The following GLMN variants were observed in gnomAD, a reference collection of about 807,000 sequenced individuals.
GLMN encodes the protein glomulin, FKBP associated protein, also known as glomulin.
Under a neutral mutation model 87.8 loss-of-function variants are expected in GLMN, and 75 were observed. The observed-to-expected ratio is 0.85, with a 90% confidence interval of 0.71 to 1.04. GLMN has a LOEUF of 1.04. Among genes scored for constraint, GLMN ranks in the 50% least tolerant of loss-of-function variants. The probability of loss-of-function intolerance (pLI) is 0.00; values close to 1 mark genes in which losing one functional copy is unlikely to be tolerated. For missense variants in GLMN, 588 were observed against 658.8 expected, an observed-to-expected ratio of 0.89 and a Z score of 1.18; for synonymous variants, 206 against 221.6, an observed-to-expected ratio of 0.93 and a Z score of 0.63.
the GLMN span, among the ~76,000 whole-genome samples, chr1:92,328,110 G>A: frequency 7.2e-5 from 11 of 152,024 alleles, no homozygotes; most frequent in African/African-American, 2.7e-4. Context: ...CTTGACTTTC[G>A]ATAACCTGAT....
At chr1:92,351,338 A>G in the GLMN span, among the ~76,000 whole-genome samples, 1 of 151,324 alleles carries the variant, frequency 6.6e-6, no homozygotes, top group Admixed American at 6.6e-5. Flanking sequence ...AGAAAGGACC[A>G]TAATGAATTG....
At chr1:92,264,075 G>C (rs1347910105) in intron 14 of GLMN, among the ~76,000 whole-genome samples, 4 of 152,164 alleles carry the variant, frequency 2.6e-5, no homozygotes, top group Non-Finnish European at 5.9e-5. Context: ...CAGCATTTTG[G>C]GAGGCCAAGG....
intron 8 of GLMN, among the ~76,000 whole-genome samples, chr1:92,270,178 G>A (rs1283084635): frequency 6.6e-6 from 1 of 152,210 alleles, no homozygotes; most frequent in Non-Finnish European, 1.5e-5. Flanking sequence ...CCCTCAGAAG[G>A]AGCATCCAGA....
At chr1:92,328,979 G>C in the GLMN span, among the ~76,000 whole-genome samples, 2 of 152,228 alleles carry the variant, frequency 1.3e-5, no homozygotes, top group Non-Finnish European at 2.9e-5. Flanking sequence ...TGTCTGCAAA[G>C]GGTCCTGTGA....
chr1:92,285,610 T>A (rs1055796758), intron 7 of GLMN, among the ~76,000 whole-genome samples: 12 of 152,194 alleles, frequency 7.9e-5, no homozygotes, highest in Middle Eastern at 3.2e-3. Flanking sequence ...ACTTAAAGTA[T>A]AATTGAAAAA....
At chr1:92,285,695 C>T (rs1648668772) in intron 7 of GLMN, among the ~76,000 whole-genome samples, 1 of 152,204 alleles carries the variant, frequency 6.6e-6, no homozygotes, top group Non-Finnish European at 1.5e-5. Context: ...CTTAAAACCC[C>T]ACCCTAATTC....
intron 16 of GLMN, among the ~76,000 whole-genome samples, chr1:92,255,871 A>G (rs1654162174): frequency 6.6e-6 from 1 of 152,202 alleles, no homozygotes; most frequent in Non-Finnish European, 1.5e-5. Context: ...GCAAAAGCAA[A>G]CAAATTCAAA....
chr1:92,266,431 T>G lies in GLMN; in HGVS notation c.1202A>C (p.Tyr401Ser), dbSNP rs1369889881. Residue 401 changes from tyrosine (Y) to serine (S), a missense_variant, in exon 13 of 19, where the codon TAT becomes TCT. Transcript: ENST00000370360. ...YINKLDSQGK[Y>S]TLFRCLLNTS... ...GCTTGATACATACCTAAATAATGTA[T>G]ATTTGCCTTGTGAATCCAACTTGTT... 1 of 1,535,912 alleles carries G rather than the reference T, an allele frequency of 6.5e-7. No homozygotes were observed. The highest frequency in any genetic ancestry group is 2.2e-5 in the East Asian group (1 of 44,458).
chr1:92,309,521 G>C, the GLMN span, among the ~76,000 whole-genome samples: 1 of 151,492 alleles, frequency 6.6e-6, no homozygotes, highest in Non-Finnish European at 1.5e-5. Context: ...TAAGTGCTTA[G>C]TACCTGGCAG....
At chr1:92,271,767 G>A (rs545304254) in intron 7 of GLMN, 115 bp from the exon 8 acceptor site, 21 of 741,560 alleles carry the variant, frequency 2.8e-5, no homozygotes, top group South Asian at 7.5e-5. Context: ...CCCTTTGAGC[G>A]TGAGTGGGAC....
At chr1:92,332,188 G>A in the GLMN span, among the ~76,000 whole-genome samples, 1 of 151,630 alleles carries the variant, frequency 6.6e-6, no homozygotes, top group African/African-American at 2.4e-5. Context: ...AGTGGTGACT[G>A]TGCTTCATTC....
At position 92,298,396 on chromosome 1, in the gene GLMN, A is replaced by T. The variant is rs117177017; in HGVS notation, c.-30-367T>A. Among the ~76,000 whole-genome samples the T allele has an allele frequency of 2.4e-4, 36 of 152,322 alleles. No homozygotes were observed. The East Asian group carries it at 6.7e-3, about 29-fold the overall frequency. Reference sequence around the variant, plus strand: ...GAACTAAAGGGCTTTTAAAAAGCAAAGCACTTCTTTTCTGAAAAAAAATTT... The same window carrying T: ...GAACTAAAGGGCTTTTAAAAAGCAATGCACTTCTTTTCTGAAAAAAAATTT... On this transcript the variant is annotated intron_variant, in intron 1 of 18. Transcript: ENST00000370360.
intron 16 of GLMN, among the ~76,000 whole-genome samples, chr1:92,256,440 G>A (rs200835320): frequency 6.6e-6 from 1 of 152,050 alleles, no homozygotes; most frequent in African/African-American, 2.4e-5. Context: ...ACCTGGCAGA[G>A]ACACAACAAA....
the GLMN span, among the ~76,000 whole-genome samples, chr1:92,332,548 C>A: frequency 1.2e-4 from 19 of 152,116 alleles, no homozygotes; most frequent in Admixed American, 1.0e-3. Context: ...ATGTTATCTT[C>A]CTCTAGAATA....
At chr1:92,323,349 A>G in the GLMN span, 1 of 745,290 alleles carries the variant, frequency 1.3e-6, no homozygotes, top group Non-Finnish European at 2.0e-6. Context: ...GAAAGTTACA[A>G]TGTATAAATA....
the GLMN span, among the ~76,000 whole-genome samples, chr1:92,341,404 G>A: frequency 2.0e-5 from 3 of 152,138 alleles, no homozygotes; most frequent in African/African-American, 7.2e-5. Context: ...TTTAGCATCT[G>A]TGCTGGAAAT....
At chr1:92,308,828 C>T in the GLMN span, among the ~76,000 whole-genome samples, 6 of 152,102 alleles carry the variant, frequency 3.9e-5, no homozygotes, top group East Asian at 1.9e-4. Flanking sequence ...GGTATGGTGG[C>T]GGGCACCTGT....
chr1:92,312,927 G>A, the GLMN span, among the ~76,000 whole-genome samples: 3 of 151,756 alleles, frequency 2.0e-5, no homozygotes, highest in Non-Finnish European at 4.4e-5. Context: ...GTTCAGTGGC[G>A]AAATCTCAGC....
upstream of GLMN, among the ~76,000 whole-genome samples, chr1:92,303,435 A>G (rs1312485685): frequency 6.6e-6 from 1 of 152,204 alleles, no homozygotes; most frequent in African/African-American, 2.4e-5. Context: ...AAAGGAAAAT[A>G]TTTGATGTTA....
Sources: gnomAD v4.1 joint callset for allele counts (sites outside exome capture counted in the v4.1 genomes callset) on GRCh38, gnomAD v4.1.1 for gene constraint, MANE v1.5 for transcripts, NCBI Gene and HGNC (gene_info 2026-07-23, HGNC 2026-07-21) for gene names.